Variants in TPTE2 observed in about 807,000 individuals in gnomAD.
TPTE2 encodes transmembrane phosphoinositide 3-phosphatase and tensin homolog 2, also known as phosphatidylinositol 3,4,5-trisphosphate 3-phosphatase TPTE2.
In TPTE2, 53 loss-of-function variants were observed where a neutral mutation model predicts 78.6. The ratio of observed to expected loss-of-function variants is 0.67; its 90% CI spans 0.54 to 0.85. TPTE2 has a LOEUF of 0.85. TPTE2 is among the 40% of genes least tolerant of loss of function. The pLI, the probability that TPTE2 is intolerant of heterozygous loss-of-function variation, is 0.00. For synonymous variants in TPTE2, 175 were observed against 206.2 expected (o/e 0.85, Z 1.30); for missense variants, 461 against 623.0 (o/e 0.74, Z 2.77).
At chr13:19,475,521 C>A in intron 5 of TPTE2, 52 bp downstream of exon 8, 1 of 1,591,302 alleles carries the variant, frequency 6.3e-7, no homozygotes, top group Non-Finnish European at 8.6e-7. Flanking sequence ...CCACTGCACC[C>A]AGCCAAGTCT....
chr13:19,482,454 T>C (rs1427669243), intron 4 of TPTE2, 34 bp downstream of exon 7: 3 of 1,608,106 alleles, frequency 1.9e-6, no homozygotes, highest in East Asian at 4.5e-5. Context: ...GATCCATCAA[T>C]GGCTCCCTCC....
At chr13:19,493,884 G>GC (rs1410318117) in intron 1 of TPTE2, among the ~76,000 whole-genome samples, 6 of 152,134 alleles carry the variant, frequency 3.9e-5, no homozygotes, top group African/African-American at 1.4e-4. Context: ...CATTCACCCA[G>GC]CATGGTGGTT....
intron 1 of TPTE2, among the ~76,000 whole-genome samples, chr13:19,533,802 C>G (rs1054748592): frequency 6.6e-6 from 1 of 152,136 alleles, no homozygotes; most frequent in African/African-American, 2.4e-5. Context: ...TACAGGAAAG[C>G]CACTGTAGAA....
At chr13:19,518,953 A>G (rs1228412980) in intron 1 of TPTE2, among the ~76,000 whole-genome samples, 1 of 152,164 alleles carries the variant, frequency 6.6e-6, no homozygotes, top group Non-Finnish European at 1.5e-5. Flanking sequence ...GGTAATCAAT[A>G]AATTTACTGG....
At chr13:19,450,295 G>A in exon 12 of TPTE2, 1 of 1,611,222 alleles carries the variant, frequency 6.2e-7, no homozygotes, top group African/African-American at 1.3e-5. Flanking sequence ...CATCAATCAT[G>A]ATTCTACTGA....
At chr13:19,455,383 C>T (rs1372202498) in intron 10 of TPTE2, among the ~76,000 whole-genome samples, 1 of 152,198 alleles carries the variant, frequency 6.6e-6, no homozygotes, top group Non-Finnish European at 1.5e-5. Context: ...CCTCGTAGTG[C>T]CCCTTCTCTC....
intron 13 of TPTE2, among the ~76,000 whole-genome samples, chr13:19,443,705 A>G (rs1042658465): frequency 6.6e-5 from 10 of 151,200 alleles, no homozygotes; most frequent in African/African-American, 2.4e-4. Context: ...GCACCCAGCC[A>G]AGGAATTTCT....
At chr13:19,445,796 CTGGGT>C (rs1877787771) in intron 13 of TPTE2, among the ~76,000 whole-genome samples, 1 of 152,150 alleles carries the variant, frequency 6.6e-6, no homozygotes, top group Non-Finnish European at 1.5e-5. Flanking sequence ...ACAAAAGTAG[CTGGGT>C]ATGGTGGCGG....
chr13:19,427,079 CTTTTTTTTTTTT>C (rs55904352), intron 17 of TPTE2, among the ~76,000 whole-genome samples: 15 of 67,292 alleles, frequency 2.2e-4, no homozygotes, highest in Admixed American at 1.5e-3. Context: ...CTTTTCTTTT[CTTTTTTTTTTTT>C]TTTTTTTTTT....
intron 13 of TPTE2, among the ~76,000 whole-genome samples, chr13:19,441,897 TAAAC>T (rs925149445): frequency 1.6e-4 from 24 of 152,138 alleles, no homozygotes; most frequent in African/African-American, 5.5e-4. Flanking sequence ...AGGCTCAACA[TAAAC>T]AAAAATTAAT....
upstream of TPTE2, among the ~76,000 whole-genome samples, chr13:19,537,831 C>T (rs912607751): frequency 5.3e-5 from 8 of 152,020 alleles, no homozygotes; most frequent in South Asian, 1.5e-3. Context: ...TCTCAAACTC[C>T]TGACCTCAGG....
At chr13:19,498,044 G>T (rs1425786344) in intron 1 of TPTE2, among the ~76,000 whole-genome samples, 4 of 150,956 alleles carry the variant, frequency 2.6e-5, no homozygotes, top group Non-Finnish European at 4.4e-5. Flanking sequence ...GGAAGAAAGG[G>T]TATCAGCAAT....
intron 3 of TPTE2, 103 bp downstream of exon 6, chr13:19,492,747 T>G: frequency 6.7e-7 from 1 of 1,490,758 alleles, no homozygotes; most frequent in Non-Finnish European, 9.2e-7. Context: ...GACAAAAGTG[T>G]GTATGGATGA....
rs1214428346 is a variant in TPTE2, at chr13:19,450,064, A to G, written c.973+12T>C. 10 of 1,609,758 alleles carry G rather than the reference A, an allele frequency of 6.2e-6. No individual in the cohort carries two copies. In the South Asian group the frequency reaches 1.1e-4, roughly 18 times the overall value. On this transcript the variant is annotated intron_variant, in intron 13 of 19. Transcript: ENST00000400230. The stretch of plus-strand genomic sequence containing the variant: ...TTTAGAAAGGGAAAAATGAAAAGGA[A>G]AATGTTATTACCTTTGCCTCCTTTA...
intron 1 of TPTE2, among the ~76,000 whole-genome samples, chr13:19,519,770 C>G (rs1489616242): frequency 6.6e-6 from 1 of 152,138 alleles, no homozygotes; most frequent in African/African-American, 2.4e-5. Flanking sequence ...GAGTCCCTTG[C>G]ATTTTCAAAT....
chr13:19,469,696 C>T (rs990237751), intron 6 of TPTE2, among the ~76,000 whole-genome samples: 2 of 152,030 alleles, frequency 1.3e-5, no homozygotes, highest in African/African-American at 4.8e-5. Context: ...TCTTCAATTT[C>T]TTTCATCAGT....
chr13:19,449,725 T>C (rs185256623), intron 13 of TPTE2, among the ~76,000 whole-genome samples: 1 of 152,268 alleles, frequency 6.6e-6, no homozygotes, highest in East Asian at 1.9e-4. Context: ...CAGCCTTAAA[T>C]AAAATAAAAG....
chr13:19,551,053 C>A, the TPTE2 span, among the ~76,000 whole-genome samples: 3 of 152,206 alleles, frequency 2.0e-5, no homozygotes, highest in South Asian at 6.2e-4. Context: ...AAGAGTAGAC[C>A]AAATCTTTCC....
chr13:19,452,222 C>T (rs1014680387), intron 10 of TPTE2, among the ~76,000 whole-genome samples: 8 of 152,002 alleles, frequency 5.3e-5, no homozygotes, highest in Non-Finnish European at 1.2e-4. Flanking sequence ...ATAAAATCCA[C>T]ACGGGTTTAG....
Sources: allele counts gnomAD v4.1 joint callset (sites outside exome capture counted in the v4.1 genomes callset), GRCh38; gene constraint gnomAD v4.1.1; transcripts MANE v1.5; gene names NCBI Gene and HGNC (gene_info 2026-07-23, HGNC 2026-07-21).